LRRC4C: variants seen among roughly 807,000 people sequenced by gnomAD.
The protein encoded by LRRC4C is leucine rich repeat containing 4C.
LRRC4C carries 5 observed loss-of-function variants against 33.6 expected under a neutral mutation model. The ratio of observed to expected loss-of-function variants is 0.15; its 90% CI spans 0.08 to 0.31. The LOEUF is 0.31. LRRC4C is among the 10% of genes least tolerant of loss of function. LRRC4C has a pLI of 1.00. For synonymous variants in LRRC4C, 329 were observed against 302.0 expected (o/e 1.09, Z -0.93); for missense variants, 560 against 796.7 (o/e 0.70, Z 3.58).
At chr11:40,625,315 A>C (rs1378523450) in intron 3 of LRRC4C, among the ~76,000 whole-genome samples, 1 of 152,194 alleles carries the variant, frequency 6.6e-6, no homozygotes, top group Non-Finnish European at 1.5e-5. Context: ...GGTAACTTAC[A>C]AACAAAAAGA....
At chr11:41,009,090 A>G (rs1256339272) in intron 1 of LRRC4C, among the ~76,000 whole-genome samples, 1 of 152,110 alleles carries the variant, frequency 6.6e-6, no homozygotes, top group Non-Finnish European at 1.5e-5. Context: ...TAGCAAGAGA[A>G]GAATTCTTTT....
At chr11:40,447,230 CAT>C (rs534953970) in intron 3 of LRRC4C, 30 of 154,030 alleles carry the variant, frequency 1.9e-4, no homozygotes, top group African/African-American at 7.2e-4. Context: ...TTGAGATCAA[CAT>C]ATGTGTTGGA....
At chr11:40,993,100 A>G (rs1853698285) in intron 1 of LRRC4C, among the ~76,000 whole-genome samples, 1 of 152,202 alleles carries the variant, frequency 6.6e-6, no homozygotes, top group South Asian at 2.1e-4. Context: ...CTAAGTATTT[A>G]TGAATCCAAG....
chr11:40,779,547 T>C (rs541693012), intron 2 of LRRC4C, among the ~76,000 whole-genome samples: 1 of 152,312 alleles, frequency 6.6e-6, no homozygotes, highest in African/African-American at 2.4e-5. Flanking sequence ...CAAGTTCTTG[T>C]TTTTTAAAGG....
intron 1 of LRRC4C, among the ~76,000 whole-genome samples, chr11:41,454,605 G>A (rs140497320): frequency 1.3e-5 from 2 of 152,264 alleles, no homozygotes; most frequent in Non-Finnish European, 2.9e-5. Flanking sequence ...AAAGATGCAC[G>A]TGACTATTGC....
intron 2 of LRRC4C, among the ~76,000 whole-genome samples, chr11:40,834,798 A>G (rs530196152): frequency 6.6e-6 from 1 of 152,132 alleles, no homozygotes; most frequent in Admixed American, 6.6e-5. Context: ...GGCCCTCAAC[A>G]TGTCTAAAGC....
intron 2 of LRRC4C, among the ~76,000 whole-genome samples, chr11:40,658,114 TAA>T (rs966673000): frequency 2.0e-5 from 3 of 152,186 alleles, no homozygotes; most frequent in Non-Finnish European, 2.9e-5. Flanking sequence ...TATCTTATAG[TAA>T]ACATTAGATC....
rs148779413 is a variant in LRRC4C, at chr11:41,156,678, T to C, written c.-495-222955A>G. ...TGTATTAGAAGCTGGTAAGAATCAT[T>C]AAAAAAAGAAAAGTATAGCAAGAAA... On this transcript the variant is annotated intron_variant, in intron 1 of 6. Transcript: ENST00000528697. Among the ~76,000 whole-genome samples the C allele has an allele frequency of 6.7e-3, 1,025 of 151,914 alleles. 8 individuals carry two copies. The highest frequency in any genetic ancestry group is 0.023 in the African/African-American group (935 of 41,422).
intron 2 of LRRC4C, among the ~76,000 whole-genome samples, chr11:40,932,029 G>T (rs1482509425): frequency 2.0e-5 from 3 of 152,052 alleles, no homozygotes; most frequent in Non-Finnish European, 4.4e-5. Context: ...GACCTCAAGG[G>T]GCTGAGACTC....
intron 4 of LRRC4C, among the ~76,000 whole-genome samples, chr11:40,248,734 A>G (rs1271574364): frequency 6.6e-6 from 1 of 152,276 alleles, no homozygotes; most frequent in East Asian, 1.9e-4. Flanking sequence ...CTCCACTTCA[A>G]TTGTGAGAAT....
intron 1 of LRRC4C, among the ~76,000 whole-genome samples, chr11:41,457,034 C>T (rs552719123): frequency 7.2e-5 from 11 of 152,294 alleles, no homozygotes; most frequent in Non-Finnish European, 2.9e-5. Context: ...GTGTTGCTAT[C>T]GCTAAAAGAT....
At chr11:40,190,493 T>C (rs1861748580) in intron 5 of LRRC4C, among the ~76,000 whole-genome samples, 1 of 152,224 alleles carries the variant, frequency 6.6e-6, no homozygotes, top group Non-Finnish European at 1.5e-5. Flanking sequence ...ATGCGGTTCC[T>C]CTGGCACACA....
In LRRC4C at chr11:40,849,934, T is replaced by A. The variant is rs113535396; in HGVS notation, c.-407+83701A>T. On this transcript the variant is annotated intron_variant, in intron 2 of 6. Transcript: ENST00000528697. ...CTTGATCCATTTGGCTGTTGATATT[T>A]CTGTATGCTTCATGAAGTTCTTGTG... Among the ~76,000 whole-genome samples, 1,485 of 151,684 alleles carry A rather than the reference T, an allele frequency of 9.8e-3. 23 individuals carry two copies. Among genetic ancestry groups the A allele is most frequent in the African/African-American group, 0.033 (1,353 of 41,342 alleles).
At chr11:40,521,490 T>C (rs1432154758) in intron 3 of LRRC4C, among the ~76,000 whole-genome samples, 2 of 152,214 alleles carry the variant, frequency 1.3e-5, no homozygotes, top group Non-Finnish European at 2.9e-5. Flanking sequence ...TTCATTCAAA[T>C]ATGTATTGAA....
chr11:41,420,788 G>T (rs1162039178), intron 1 of LRRC4C, among the ~76,000 whole-genome samples: 2 of 151,942 alleles, frequency 1.3e-5, no homozygotes, highest in Non-Finnish European at 2.9e-5. Context: ...AATTACACCT[G>T]CTGTCTGAAG....
chr11:40,499,643 T>C (rs529062601), intron 3 of LRRC4C, among the ~76,000 whole-genome samples: 4 of 152,212 alleles, frequency 2.6e-5, no homozygotes, highest in Non-Finnish European at 5.9e-5. Flanking sequence ...CTGATGTTGA[T>C]GATGGTGAAA....
intron 3 of LRRC4C, among the ~76,000 whole-genome samples, chr11:40,320,392 C>T (rs1945785933): frequency 6.6e-6 from 1 of 152,134 alleles, no homozygotes; most frequent in Non-Finnish European, 1.5e-5. Context: ...GTAGTCCCAG[C>T]TGCTCGGGAG....
intron 1 of LRRC4C, among the ~76,000 whole-genome samples, chr11:41,084,834 G>GT (rs1939842280): frequency 6.6e-6 from 1 of 152,276 alleles, no homozygotes; most frequent in South Asian, 2.1e-4. Flanking sequence ...GGGTGAAAGA[G>GT]TGAGACTCTG....
At chr11:40,665,307 T>C (rs1943664363) in intron 2 of LRRC4C, among the ~76,000 whole-genome samples, 1 of 27,864 alleles carries the variant, frequency 3.6e-5, no homozygotes, top group Non-Finnish European at 5.8e-5. Context: ...CATTGCTTTC[T>C]TAAAAAAAAA....
Sources: allele counts gnomAD v4.1 joint callset (sites outside exome capture counted in the v4.1 genomes callset), GRCh38; gene constraint gnomAD v4.1.1; transcripts MANE v1.5; gene names NCBI Gene and HGNC (gene_info 2026-07-23, HGNC 2026-07-21).